PRKAR1A: variants seen among roughly 807,000 people sequenced by gnomAD.
PRKAR1A encodes cAMP-dependent protein kinase type I-alpha regulatory subunit.
Under a neutral mutation model 52.0 loss-of-function variants are expected in PRKAR1A, and 3 were observed. The observed-to-expected ratio is 0.06, with a 90% CI of 0.03 to 0.15. The LOEUF is 0.15. Among genes scored for constraint, PRKAR1A ranks in the 10% least tolerant of loss-of-function variants. The probability of loss-of-function intolerance (pLI) is 1.00; values close to 1 mark genes in which losing one functional copy is unlikely to be tolerated. For synonymous variants in PRKAR1A, 188 were observed against 168.4 expected, an observed-to-expected ratio of 1.12 and a Z score of -0.90; for missense variants, 240 against 477.4, an observed-to-expected ratio of 0.50 and a Z score of 4.63.
downstream of PRKAR1A, chr17:68,536,506 C>T (rs1568713440): frequency 2.2e-6 from 1 of 454,098 alleles, no homozygotes; most frequent in Admixed American, 2.3e-5. Context: ...AAAAACCTGA[C>T]TTAGTCTTTT....
At chr17:68,522,693 A>G in intron 2 of PRKAR1A, 63 bp from the exon 3 acceptor site, 6 of 1,541,170 alleles carry the variant, frequency 3.9e-6, no homozygotes, top group Non-Finnish European at 5.4e-6. Context: ...TATCATTGGA[A>G]CATGAGAGTG....
chr17:68,468,873 T>C, the PRKAR1A span, among the ~76,000 whole-genome samples: 1 of 152,170 alleles, frequency 6.6e-6, no homozygotes, highest in Non-Finnish European at 1.5e-5. Flanking sequence ...ATATTTAAAG[T>C]GGCCCATTCC....
At chr17:68,438,820 G>A in the PRKAR1A span, among the ~76,000 whole-genome samples, 1 of 152,124 alleles carries the variant, frequency 6.6e-6, no homozygotes, top group Admixed American at 6.5e-5. Flanking sequence ...AGGCTGTCTC[G>A]AACTCGTGAC....
chr17:68,433,487 G>A, the PRKAR1A span: 2 of 1,613,968 alleles, frequency 1.2e-6, no homozygotes, highest in Admixed American at 1.7e-5. Context: ...ACCTGTTCCA[G>A]CTTGAAGATG....
chr17:68,530,971 A>G lies in PRKAR1A; in HGVS notation c.*522A>G. 9.3e-7 allele frequency: 1 copy of G among 1,080,002 alleles called. No homozygotes were observed. Among genetic ancestry groups the G allele is most frequent in the Non-Finnish European group, 1.1e-6 (1 of 886,800 alleles). The allele number at this position is 1,080,002 out of a possible 1,614,324, so 66.9% of individuals were successfully genotyped here. ...CATCTGCCTGTAATTAAACTAGTTT[A>G]AGGGTGGAAAAATGCCCATTTTTGC... On this transcript the variant is annotated 3_prime_UTR_variant, in exon 11 of 11. Transcript: ENST00000589228.
At chr17:68,448,841 T>A in the PRKAR1A span, among the ~76,000 whole-genome samples, 2 of 152,214 alleles carry the variant, frequency 1.3e-5, no homozygotes, top group Non-Finnish European at 2.9e-5. Context: ...GAATTTCATC[T>A]AAAAGCCTTC....
the PRKAR1A span, among the ~76,000 whole-genome samples, chr17:68,487,167 C>T: frequency 2.0e-5 from 3 of 152,184 alleles, no homozygotes; most frequent in East Asian, 1.9e-4. Flanking sequence ...CCACTGCGCC[C>T]GGCCTGTTAT....
In PRKAR1A at chr17:68,515,554, A is replaced by G. The variant is rs748547646; in HGVS notation, c.155A>G (p.Glu52Gly). The G allele has an allele frequency of 3.1e-6, 5 of 1,612,628 alleles. No individual in the cohort carries two copies. In the East Asian group the frequency reaches 1.1e-4, roughly 36 times the overall value. Residue 52 changes from glutamate (E) to glycine (G), a missense_variant, in exon 2 of 11, where the codon GAA becomes GGA. Around this residue, in one of 4 missense-constraint regions of PRKAR1A, gnomAD observed 107 missense variants for 114.6 expected, o/e 0.93. Transcript: ENST00000589228. ...GAGAGACCCATGGCATTCCTCAGGGAATACTTTGAGAGGTTGGAGAAGGTA... is the reference window on the plus strand; with the variant it reads ...GAGAGACCCATGGCATTCCTCAGGGGATACTTTGAGAGGTTGGAGAAGGTA... ...RPERPMAFLR[E>G]YFERLEKEEA... is the part of the protein sequence containing the mutation.
the PRKAR1A span, chr17:68,457,537 GTCCCCACCCC>G: frequency 1.4e-5 from 1 of 72,446 alleles, no homozygotes; most frequent in Non-Finnish European, 1.9e-5. Context: ...ACCCCGCCCC[GTCCCCACCCC>G]GCCCCTACCC....
At chr17:68,542,647 C>T (rs1246832988) in intron 11 of PRKAR1A, 2 of 1,455,548 alleles carry the variant, frequency 1.4e-6, no homozygotes, top group Admixed American at 1.7e-5. Flanking sequence ...GACACTCTGG[C>T]TTACGATCTA....
At chr17:68,477,776 G>A in the PRKAR1A span, among the ~76,000 whole-genome samples, 2 of 151,592 alleles carry the variant, frequency 1.3e-5, no homozygotes, top group African/African-American at 4.9e-5. Context: ...AGGCTGGAGT[G>A]CAGTGGTGCC....
At chr17:68,453,603 C>T in the PRKAR1A span, among the ~76,000 whole-genome samples, 7 of 151,700 alleles carry the variant, frequency 4.6e-5, no homozygotes, top group African/African-American at 9.7e-5. Context: ...CTCAGCCTCC[C>T]GAGCAGTGAG....
intron 1 of PRKAR1A, among the ~76,000 whole-genome samples, chr17:68,513,845 T>C: frequency 6.6e-6 from 1 of 152,228 alleles, no homozygotes; most frequent in East Asian, 1.9e-4. Flanking sequence ...CTCTCATCTC[T>C]ACCAGCCAAA....
Position 68,530,849 on chromosome 17 carries a change from C to A in PRKAR1A, c.*400C>A. On this transcript the variant is annotated 3_prime_UTR_variant, in exon 11 of 11. Coordinates refer to ENST00000589228, the MANE Select transcript of PRKAR1A (RefSeq NM_002734.5). ...AGTTATAAGCGTATTTAGACTGTGG[C>A]CATATATGCTGTATTTCTTTGTAGA... The A allele has an allele frequency of 8.5e-7, 1 of 1,178,750 alleles. No homozygotes were observed. The highest frequency in any genetic ancestry group is 1.1e-6 in the Non-Finnish European group (1 of 945,718). The allele number at this position is 1,178,750 out of a possible 1,614,324, so 73.0% of individuals were successfully genotyped here.
chr17:68,523,937 T>A, intron 4 of PRKAR1A, 79 bp from the exon 5 acceptor site: 2 of 1,583,592 alleles, frequency 1.3e-6, no homozygotes, highest in Non-Finnish European at 1.7e-6. Flanking sequence ...CAGTCTGGGG[T>A]CTTTAATTCT....
At chr17:68,464,845 T>G in the PRKAR1A span, among the ~76,000 whole-genome samples, 1 of 151,878 alleles carries the variant, frequency 6.6e-6, no homozygotes, top group East Asian at 1.9e-4. Flanking sequence ...AAATTCTGAG[T>G]CTAAAGACAT....
At chr17:68,451,427 C>T in the PRKAR1A span, among the ~76,000 whole-genome samples, 9 of 152,096 alleles carry the variant, frequency 5.9e-5, no homozygotes, top group Non-Finnish European at 1.2e-4. Flanking sequence ...AGCAAGACTC[C>T]GTCTCAAGAA....
At chr17:68,498,515 A>G in the PRKAR1A span, among the ~76,000 whole-genome samples, 2 of 152,194 alleles carry the variant, frequency 1.3e-5, no homozygotes, top group Admixed American at 6.5e-5. Context: ...TAAATTGGAA[A>G]AGATAAGTTG....
chr17:68,424,404 C>T, the PRKAR1A span: 4 of 532,438 alleles, frequency 7.5e-6, no homozygotes, highest in South Asian at 1.4e-5. Context: ...GAGGGTTCCA[C>T]GGATCTGCGG....
Sources: gnomAD v4.1 joint callset for allele counts (sites outside exome capture counted in the v4.1 genomes callset) on GRCh38, gnomAD v4.1.1 for gene constraint, gnomAD v4.1.1 regional missense constraint, MANE v1.5 for transcripts, NCBI Gene and HGNC (gene_info 2026-07-23, HGNC 2026-07-21) for gene names.